The following NRG1 variants were observed in gnomAD, a reference collection of about 807,000 sequenced individuals.
NRG1 encodes pro-neuregulin-1, membrane-bound isoform.
NRG1 carries 18 observed loss-of-function variants against 63.8 expected under a neutral mutation model. The ratio of observed to expected loss-of-function variants is 0.28; its 90% confidence interval spans 0.19 to 0.42. The LOEUF is 0.42. Ranked by LOEUF, NRG1 falls within the 10% of genes least tolerant of loss-of-function variation. NRG1 has a pLI of 1.00. For missense variants in NRG1, 762 were observed against 814.7 expected (o/e 0.94, Z 0.79); for synonymous variants, 302 against 301.3 (o/e 1.00, Z -0.02).
intron 1 of NRG1, among the ~76,000 whole-genome samples, chr8:32,060,251 A>T (rs1823617941): frequency 6.6e-6 from 1 of 151,800 alleles, no homozygotes; most frequent in African/African-American, 2.4e-5. Context: ...ATTTGTATTT[A>T]AGGGAAACAA....
At chr8:32,329,871 T>A (rs1011829504) in intron 1 of NRG1, among the ~76,000 whole-genome samples, 2 of 151,592 alleles carry the variant, frequency 1.3e-5, no homozygotes, top group African/African-American at 2.4e-5. Context: ...TTTGGTCTTA[T>A]TTCTCTTTTT....
intron 1 of NRG1, among the ~76,000 whole-genome samples, chr8:32,281,696 A>C (rs767763426): frequency 2.0e-5 from 3 of 152,168 alleles, no homozygotes; most frequent in Non-Finnish European, 2.9e-5. Context: ...AAAGGTTAAG[A>C]TGAGCTAAGT....
At chr8:32,307,589 T>G (rs6989422) in intron 1 of NRG1, among the ~76,000 whole-genome samples, 5,564 of 93,508 alleles carry the variant, frequency 0.06, 302 homozygotes, top group East Asian at 0.23. Context: ...ACCCAGGGGT[T>G]TGTGTGTGTG....
chr8:31,746,147 C>T (rs1055967075), intron 1 of NRG1, among the ~76,000 whole-genome samples: 13 of 151,594 alleles, frequency 8.6e-5, no homozygotes, highest in East Asian at 1.9e-4. Flanking sequence ...AAGAGGATGA[C>T]GGAGAATGCA....
chr8:32,197,732 C>G (rs1398632370), intron 1 of NRG1, among the ~76,000 whole-genome samples: 1 of 152,200 alleles, frequency 6.6e-6, no homozygotes, highest in Non-Finnish European at 1.5e-5. Flanking sequence ...TCAAGTCATA[C>G]AAGACTGCTT....
chr8:32,377,843 C>G (rs1050927718), intron 1 of NRG1, among the ~76,000 whole-genome samples: 5 of 152,232 alleles, frequency 3.3e-5, no homozygotes, highest in African/African-American at 4.8e-5. Context: ...AGGATGATGT[C>G]CCTCTTGGAA....
intron 1 of NRG1, among the ~76,000 whole-genome samples, chr8:32,285,198 G>T (rs1853384542): frequency 6.6e-6 from 1 of 152,126 alleles, no homozygotes; most frequent in African/African-American, 2.4e-5. Flanking sequence ...TTCTAAACTG[G>T]AAAGGGCCTT....
intron 1 of NRG1, among the ~76,000 whole-genome samples, chr8:31,895,802 C>T (rs1831533276): frequency 6.6e-6 from 1 of 152,064 alleles, no homozygotes; most frequent in African/African-American, 2.4e-5. Context: ...TGTAGCCTAA[C>T]CTAGTCAACA....
intron 1 of NRG1, among the ~76,000 whole-genome samples, chr8:32,407,128 C>T (rs1333905595): frequency 6.6e-6 from 1 of 151,346 alleles, no homozygotes; most frequent in African/African-American, 2.4e-5. Context: ...CATAGAAATG[C>T]TTAAAATTTT....
chr8:32,675,015 C>T (rs928128281), intron 5 of NRG1, among the ~76,000 whole-genome samples: 12 of 152,162 alleles, frequency 7.9e-5, no homozygotes, highest in African/African-American at 2.9e-4. Flanking sequence ...GTAAGCATGA[C>T]AGTTTCACCT....
chr8:32,117,597 T>C (rs1310512252), intron 1 of NRG1, among the ~76,000 whole-genome samples: 1 of 152,078 alleles, frequency 6.6e-6, no homozygotes, highest in Non-Finnish European at 1.5e-5. Context: ...ACTTTGAAAT[T>C]CATGATTAAC....
rs114371788 is a variant in NRG1, at chr8:31,803,991, G to A, written c.37+164560G>A. Among the ~76,000 whole-genome samples, 914 of 152,178 alleles carry A rather than the reference G, an allele frequency of 6.0e-3. 13 individuals carry two copies. The highest frequency in any genetic ancestry group is 0.02 in the African/African-American group (823 of 41,520). ...AGAGATGTTCCCCAGCTACCCTGCCGAATATCGCCTTTCCCCACCCAATCC... is the reference window on the plus strand; with the variant it reads ...AGAGATGTTCCCCAGCTACCCTGCCAAATATCGCCTTTCCCCACCCAATCC... On this transcript the variant is annotated intron_variant, in intron 1 of 10. Coordinates refer to the NRG1 transcript ENST00000519301.
intron 5 of NRG1, among the ~76,000 whole-genome samples, chr8:32,687,054 A>G (rs1810345337): frequency 1.3e-5 from 2 of 152,192 alleles, no homozygotes; most frequent in African/African-American, 4.8e-5. Context: ...TCTTTGGGAT[A>G]GTTGATATTT....
intron 1 of NRG1, among the ~76,000 whole-genome samples, chr8:32,410,499 A>G (rs1174165813): frequency 2.0e-5 from 3 of 152,114 alleles, no homozygotes; most frequent in Non-Finnish European, 4.4e-5. Context: ...TTCTTCCAAA[A>G]TGTATATTAT....
chr8:32,307,167 C>G (rs1247824978), intron 1 of NRG1, among the ~76,000 whole-genome samples: 1 of 152,152 alleles, frequency 6.6e-6, no homozygotes, highest in African/African-American at 2.4e-5. Context: ...AAGGAAACCA[C>G]TCTATGGAAA....
At chr8:32,223,914 AG>A (rs1846072581) in intron 1 of NRG1, among the ~76,000 whole-genome samples, 1 of 152,156 alleles carries the variant, frequency 6.6e-6, no homozygotes, top group Non-Finnish European at 1.5e-5. Context: ...TAAGCAGAAT[AG>A]AGAGAGAGGT....
chr8:32,447,868 G>A (rs546770963), intron 1 of NRG1, among the ~76,000 whole-genome samples: 59 of 150,620 alleles, frequency 3.9e-4, no homozygotes, highest in Non-Finnish European at 7.7e-4. Context: ...AAAAAAATAC[G>A]TAAAGCAACA....
At chr8:31,663,034 A>G (rs1178069149) in intron 1 of NRG1, among the ~76,000 whole-genome samples, 1 of 152,130 alleles carries the variant, frequency 6.6e-6, no homozygotes, top group African/African-American at 2.4e-5. Flanking sequence ...TGCTATTCAC[A>G]GAAGGCCCTC....
chr8:31,907,906 C>G (rs1832657867), intron 1 of NRG1, among the ~76,000 whole-genome samples: 1 of 152,098 alleles, frequency 6.6e-6, no homozygotes, highest in African/African-American at 2.4e-5. Context: ...ATGCCTTCTT[C>G]TTTTTAGCAC....
Sources: gnomAD v4.1 joint callset for allele counts (sites outside exome capture counted in the v4.1 genomes callset) on GRCh38, gnomAD v4.1.1 for gene constraint, MANE v1.5 for transcripts, NCBI Gene and HGNC (gene_info 2026-07-23, HGNC 2026-07-21) for gene names.